AADAT: variants seen among roughly 807,000 people sequenced by gnomAD.
The protein encoded by AADAT is kynurenine/alpha-aminoadipate aminotransferase, mitochondrial.
Under a neutral mutation model 56.2 loss-of-function variants are expected in AADAT, and 25 were observed. The observed-to-expected ratio is 0.44, with a 90% confidence interval of 0.32 to 0.62. AADAT has a LOEUF of 0.62. Ranked by LOEUF, AADAT falls within the 20% of genes least tolerant of loss-of-function variation. The probability of loss-of-function intolerance (pLI) is 0.04; values close to 1 mark genes in which losing one functional copy is unlikely to be tolerated. For missense variants in AADAT, 387 were observed against 510.5 expected (o/e 0.76, Z 2.33); for synonymous variants, 173 against 164.7 (o/e 1.05, Z -0.39).
chr4:170,077,707 C>G (rs982495178), intron 4 of AADAT, among the ~76,000 whole-genome samples: 12 of 152,170 alleles, frequency 7.9e-5, no homozygotes, highest in African/African-American at 2.7e-4. Flanking sequence ...CAATGGTTAG[C>G]AAGTTCTTAT....
Position 170,087,107 on chromosome 4 carries a change from C to T in AADAT, c.369+9G>A. Reference sequence around the variant, plus strand: ...CTACATTTTGGCTGAGTTTTCCTTTCAGTCTTACCTTACAAAGACCTTGTT... The same window carrying T: ...CTACATTTTGGCTGAGTTTTCCTTTTAGTCTTACCTTACAAAGACCTTGTT... On this transcript the variant is annotated intron_variant, in intron 3 of 12. Coordinates refer to ENST00000337664, the MANE Select transcript of AADAT (RefSeq NM_016228.4). The T allele has an allele frequency of 1.2e-6, 2 of 1,613,134 alleles. No homozygotes were observed. The highest frequency in any genetic ancestry group is 8.5e-7 in the Non-Finnish European group (1 of 1,179,858).
chr4:170,091,282 G>A (rs961649226), upstream of AADAT, among the ~76,000 whole-genome samples: 7 of 152,202 alleles, frequency 4.6e-5, no homozygotes, highest in Non-Finnish European at 8.8e-5. Flanking sequence ...GAGCCAGCTA[G>A]AGTTCCGGGT....
chr4:170,065,368 G>A (rs1731399865), intron 10 of AADAT, among the ~76,000 whole-genome samples: 1 of 152,082 alleles, frequency 6.6e-6, no homozygotes, highest in Non-Finnish European at 1.5e-5. Flanking sequence ...TTAGGATAGA[G>A]AAATCAAAAA....
intron 11 of AADAT, 66 bp from the exon 12 acceptor site, chr4:170,062,059 G>A: frequency 9.2e-7 from 1 of 1,090,444 alleles, no homozygotes; most frequent in East Asian, 2.5e-5. Context: ...ATATAGTTAA[G>A]CCTAATCTCA....
At chr4:170,065,485 T>C (rs1450548563) in intron 10 of AADAT, among the ~76,000 whole-genome samples, 1 of 152,006 alleles carries the variant, frequency 6.6e-6, no homozygotes, top group East Asian at 1.9e-4. Flanking sequence ...AAAATAATGC[T>C]ATTGTCAGAA....
Position 170,060,721 on chromosome 4 carries a change from A to G in AADAT, c.*207T>C, listed in dbSNP as rs1731150603. 5.1e-6 allele frequency: 2 copies of G among 393,862 alleles called. No homozygotes were observed. The highest frequency in any genetic ancestry group is 9.0e-5 in the Admixed American group (2 of 22,312). 24.4% of individuals were successfully genotyped at this position (393,862 alleles called of 1,614,324 possible). A position where few individuals can be genotyped will look rare whatever the true frequency, so the allele number is the denominator to read the frequency against. ...TTTATTGGAAAAATCCATGAGCAGC[A>G]TGATTAGTTTGATTTCTTTCTCTTT... is the stretch of plus-strand genomic sequence containing the variant. On this transcript the variant is annotated 3_prime_UTR_variant, in exon 13 of 13. Coordinates refer to ENST00000337664, the MANE Select transcript of AADAT (RefSeq NM_016228.4).
chr4:170,073,890 T>C (rs1731912349), intron 4 of AADAT, among the ~76,000 whole-genome samples: 1 of 151,922 alleles, frequency 6.6e-6, no homozygotes, highest in South Asian at 2.1e-4. Flanking sequence ...GGTATGGCCA[T>C]GTGTCTTGCA....
intron 4 of AADAT, among the ~76,000 whole-genome samples, chr4:170,077,142 A>G (rs1458381223): frequency 6.6e-6 from 1 of 152,074 alleles, no homozygotes; most frequent in East Asian, 1.9e-4. Flanking sequence ...GGTCTTCCAA[A>G]TTTGTTCTTT....
intron 4 of AADAT, among the ~76,000 whole-genome samples, chr4:170,074,121 T>G (rs1190198934): frequency 3.3e-5 from 5 of 152,204 alleles, no homozygotes; most frequent in African/African-American, 4.8e-5. Context: ...AATAAAACTG[T>G]ACTGGGGTCA....
At chr4:170,072,223 ATGTGTG>A (rs960518213) in intron 5 of AADAT, among the ~76,000 whole-genome samples, 1 of 151,082 alleles carries the variant, frequency 6.6e-6, no homozygotes, top group African/African-American at 2.4e-5. Context: ...GTGTGTGTGT[ATGTGTG>A]TGTGTGTATA....
At chr4:170,061,077 G>T (rs1226688542) in intron 12 of AADAT, 108 bp from the exon 13 acceptor site, 2 of 742,536 alleles carry the variant, frequency 2.7e-6, no homozygotes, top group Non-Finnish European at 4.0e-6. Flanking sequence ...AAGGTTGAGA[G>T]AAGGCATTGA....
Position 170,060,750 on chromosome 4 carries a change from TAG to T in AADAT, c.*176_*177del. ...TTAGTTTGATTTCTTTCTCTTTTTT[TAG>T]AGACAGGGTCTTGTTCTGCCATGCA... On this transcript the variant is annotated 3_prime_UTR_variant, in exon 13 of 13. Coordinates refer to ENST00000337664, the MANE Select transcript of AADAT (RefSeq NM_016228.4). 2.4e-6 allele frequency: 1 copy of T among 411,960 alleles called. No individual in the cohort carries two copies. Among genetic ancestry groups the T allele is most frequent in the Non-Finnish European group, 4.2e-6 (1 of 235,858 alleles). 25.5% of individuals were successfully genotyped at this position (411,960 alleles called of 1,614,324 possible). A position where few individuals can be genotyped will look rare whatever the true frequency, so the allele number is the denominator to read the frequency against.
At chr4:170,072,240 C>T (rs1328319923) in intron 5 of AADAT, among the ~76,000 whole-genome samples, 7 of 148,370 alleles carry the variant, frequency 4.7e-5, no homozygotes, top group African/African-American at 7.4e-5. Flanking sequence ...TGTGTGTATA[C>T]GTGTGTTTAT....
At chr4:170,086,387 T>A (rs1037471570) in intron 3 of AADAT, among the ~76,000 whole-genome samples, 1 of 150,638 alleles carries the variant, frequency 6.6e-6, no homozygotes, top group Admixed American at 6.6e-5. Flanking sequence ...GAATAACTAA[T>A]GCCAGGGGGA....
chr4:170,069,885 A>C (rs1435006435), intron 6 of AADAT, among the ~76,000 whole-genome samples: 2 of 152,138 alleles, frequency 1.3e-5, no homozygotes, highest in African/African-American at 4.8e-5. Flanking sequence ...TGTTCTTTGC[A>C]GCCCTAAGAG....
intron 3 of AADAT, among the ~76,000 whole-genome samples, chr4:170,083,415 C>A (rs1278619165): frequency 2.6e-5 from 4 of 152,040 alleles, no homozygotes; most frequent in Non-Finnish European, 5.9e-5. Flanking sequence ...CAATAAACGC[C>A]TGTTTCAAGA....
chr4:170,085,494 T>TA (rs1193160894), intron 3 of AADAT, among the ~76,000 whole-genome samples: 12 of 152,188 alleles, frequency 7.9e-5, no homozygotes, highest in African/African-American at 2.2e-4. Context: ...TTAGTGCCCC[T>TA]ATAATAAGCA....
At chr4:170,088,889 G>A (rs1295332910) in intron 1 of AADAT, among the ~76,000 whole-genome samples, 1 of 152,098 alleles carries the variant, frequency 6.6e-6, no homozygotes, top group Non-Finnish European at 1.5e-5. Flanking sequence ...CTTCTACCAC[G>A]TGAGGATGCA....
chr4:170,089,165 A>T, intron 1 of AADAT: 1 of 289,346 alleles, frequency 3.5e-6, no homozygotes, highest in East Asian at 1.1e-4. Context: ...AGGCAGAGGG[A>T]TCAGAAAGAC....
Sources: gnomAD v4.1 joint callset for allele counts (sites outside exome capture counted in the v4.1 genomes callset) on GRCh38, gnomAD v4.1.1 for gene constraint, MANE v1.5 for transcripts, NCBI Gene and HGNC (gene_info 2026-07-23, HGNC 2026-07-21) for gene names.